The following MCOLN3 variants were observed in gnomAD, a reference collection of about 807,000 sequenced individuals.
MCOLN3 encodes mucolipin TRP cation channel 3, also known as mucolipin-3.
A neutral mutation model predicts 69.4 loss-of-function variants in MCOLN3; 62 were observed. That is an observed-to-expected ratio of 0.89 (90% CI 0.73 to 1.10). The LOEUF is 1.10. Among genes scored for constraint, MCOLN3 ranks in the 50% least tolerant of loss-of-function variants. The probability of loss-of-function intolerance (pLI) is 0.00; values close to 1 mark genes in which losing one functional copy is unlikely to be tolerated. For synonymous variants in MCOLN3, 183 were observed against 217.0 expected (o/e 0.84, Z 1.38); for missense variants, 564 against 656.4 (o/e 0.86, Z 1.54).
chr1:85,034,169 T>G lies in MCOLN3; in HGVS notation c.479A>C (p.Gln160Pro). The G allele has an allele frequency of 6.2e-7, 1 of 1,614,250 alleles. No homozygotes were observed. The highest frequency in any genetic ancestry group is 8.5e-7 in the Non-Finnish European group (1 of 1,180,024). ...GTKQSAMAIC[Q>P]HFYKRGNIYP... is the part of the protein sequence containing the mutation. ...GATGTTTCCTCGCTTGTAGAAGTGC[T>G]GACAGATTGCCATAGCAGATTGCTT... The change falls in exon 4 of 13, where the codon CAG (glutamine) becomes CCG (proline). Residue 160 changes from glutamine (Q) to proline (P), a missense_variant. Transcript: ENST00000370589.
chr1:85,037,860 C>T (rs1019508402), intron 3 of MCOLN3, among the ~76,000 whole-genome samples: 1 of 152,160 alleles, frequency 6.6e-6, no homozygotes, highest in East Asian at 1.9e-4. Context: ...TCTGGGCATC[C>T]GTCCCTCCTG....
chr1:85,043,014 T>C (rs1653144519), intron 2 of MCOLN3, among the ~76,000 whole-genome samples: 1 of 152,222 alleles, frequency 6.6e-6, no homozygotes. Context: ...CATTGTTCAG[T>C]TTTCCCTTGA....
intron 6 of MCOLN3, among the ~76,000 whole-genome samples, chr1:85,030,976 TA>T (rs1436124098): frequency 6.6e-6 from 1 of 152,044 alleles, no homozygotes; most frequent in Non-Finnish European, 1.5e-5. Context: ...TTAATAGGTA[TA>T]GAGATACAGT....
chr1:85,036,033 TGTATTTCACA>T (rs1652782293), intron 3 of MCOLN3, among the ~76,000 whole-genome samples: 1 of 152,240 alleles, frequency 6.6e-6, no homozygotes, highest in African/African-American at 2.4e-5. Context: ...GGCTTTGTTT[TGTATTTCACA>T]GTACTTATAA....
At chr1:85,043,368 G>C (rs1653166714) in intron 2 of MCOLN3, among the ~76,000 whole-genome samples, 1 of 151,856 alleles carries the variant, frequency 6.6e-6, no homozygotes, top group Non-Finnish European at 1.5e-5. Context: ...CATCTCCACT[G>C]AAAATACAAA....
At chr1:85,025,766 G>A in intron 9 of MCOLN3, 173 bp downstream of exon 9, 1 of 624,420 alleles carries the variant, frequency 1.6e-6, no homozygotes. Context: ...GAAAAACTCT[G>A]CCTAAGAGAC....
At chr1:85,033,643 TA>T (rs1652650401) in intron 4 of MCOLN3, among the ~76,000 whole-genome samples, 1 of 152,218 alleles carries the variant, frequency 6.6e-6, no homozygotes, top group African/African-American at 2.4e-5. Flanking sequence ...AGATGCATGA[TA>T]GTGAAGTGGT....
At chr1:85,029,836 T>C (rs931093017) in intron 6 of MCOLN3, 3 of 152,190 alleles carry the variant, frequency 2.0e-5, no homozygotes, top group Non-Finnish European at 4.4e-5. Flanking sequence ...ATAGTTTTCC[T>C]ACTGTCTTCC....
intron 9 of MCOLN3, chr1:85,024,817 AC>A (rs2102919583): frequency 6.6e-6 from 1 of 152,278 alleles, no homozygotes; most frequent in Admixed American, 6.5e-5. Context: ...CTAAAGTTAA[AC>A]ATCTATTCCA....
intron 9 of MCOLN3, chr1:85,025,588 T>TA (rs34065139): frequency 5.2e-3 from 820 of 158,054 alleles, no homozygotes; most frequent in South Asian, 0.011. Context: ...CTTGTAAGAT[T>TA]AAAAAAAAAA....
intron 3 of MCOLN3, among the ~76,000 whole-genome samples, chr1:85,035,173 C>G (rs530175645): frequency 3.3e-5 from 5 of 152,292 alleles, no homozygotes; most frequent in African/African-American, 1.2e-4. Flanking sequence ...GGAATACTTT[C>G]TTTACTTGAC....
Position 85,045,292 on chromosome 1 carries a change from G to C in MCOLN3, c.69C>G (p.Asn23Lys), listed in dbSNP as rs1181926165. The C allele has an allele frequency of 1.2e-6, 2 of 1,614,008 alleles. No individual in the cohort carries two copies. The highest frequency in any genetic ancestry group is 2.2e-5 in the South Asian group (2 of 91,068). Residue 23 changes from asparagine to lysine, a missense_variant, in exon 2 of 13, where the codon AAC becomes AAG. Coordinates refer to ENST00000370589, the MANE Select transcript of MCOLN3 (RefSeq NM_018298.11). ...SHEEENRCNF[N>K]QQTSPSEELL... ...GCTCCTCAGATGGAGATGTTTGCTG[G>C]TTAAAATTGCAGCGATTTTCCTCTT...
intron 6 of MCOLN3, among the ~76,000 whole-genome samples, chr1:85,031,265 A>G (rs1281492520): frequency 3.0e-5 from 4 of 132,960 alleles, no homozygotes; most frequent in African/African-American, 1.2e-4. Context: ...GCGAGAATCC[A>G]TCTCAAAAAA....
At chr1:85,027,730 G>T (rs1652294616) in intron 7 of MCOLN3, among the ~76,000 whole-genome samples, 1 of 152,178 alleles carries the variant, frequency 6.6e-6, no homozygotes, top group Non-Finnish European at 1.5e-5. Flanking sequence ...CACTGAGGGA[G>T]CAGGGGGTTT....
At chr1:85,026,489 G>A (rs142930378) in intron 7 of MCOLN3, among the ~76,000 whole-genome samples, 1 of 152,100 alleles carries the variant, frequency 6.6e-6, no homozygotes, top group Non-Finnish European at 1.5e-5. Context: ...GGGTGTGGTG[G>A]CTCATGCCTG....
intron 9 of MCOLN3, chr1:85,025,550 C>T (rs972029239): frequency 6.3e-5 from 11 of 175,394 alleles, no homozygotes; most frequent in Non-Finnish European, 1.3e-4. Context: ...TATAGCCCCA[C>T]TCATTTTTGT....
chr1:85,041,200 G>A, intron 2 of MCOLN3, 23 bp from the exon 3 acceptor site: 5 of 1,597,174 alleles, frequency 3.1e-6, no homozygotes, highest in Non-Finnish European at 4.3e-6. Flanking sequence ...AAAAGAAAAG[G>A]TAAGAGGGTG....
intron 3 of MCOLN3, among the ~76,000 whole-genome samples, chr1:85,037,844 A>C (rs892200398): frequency 6.6e-6 from 1 of 152,162 alleles, no homozygotes; most frequent in Non-Finnish European, 1.5e-5. Flanking sequence ...GAGGAGCTTT[A>C]ATTAGTCTGG....
chr1:85,039,503 T>C (rs1557691949), intron 3 of MCOLN3, among the ~76,000 whole-genome samples: 1 of 152,188 alleles, frequency 6.6e-6, no homozygotes, highest in Non-Finnish European at 1.5e-5. Context: ...CTGTTGTTTG[T>C]CTGTTATCTA....
Sources: allele counts gnomAD v4.1 joint callset (sites outside exome capture counted in the v4.1 genomes callset), GRCh38; gene constraint gnomAD v4.1.1; transcripts MANE v1.5; gene names NCBI Gene and HGNC (gene_info 2026-07-23, HGNC 2026-07-21).